The following A4GALT variants were observed in gnomAD, a reference collection of about 807,000 sequenced individuals.
A4GALT encodes lactosylceramide 4-alpha-galactosyltransferase.
For missense variants in A4GALT, 512 were observed against 486.0 expected, an observed-to-expected ratio of 1.05 and a Z score of -0.50; for synonymous variants, 257 against 220.7, an observed-to-expected ratio of 1.16 and a Z score of -1.46.
chr22:42,711,318 C>T (rs1921672591), intron 1 of A4GALT, among the ~76,000 whole-genome samples: 2 of 152,280 alleles, frequency 1.3e-5, no homozygotes, highest in South Asian at 2.1e-4. Context: ...TTTGGCAAGG[C>T]TGTGAGCAAA....
At chr22:42,717,403 C>G (rs747519911) in intron 1 of A4GALT, among the ~76,000 whole-genome samples, 15 of 152,262 alleles carry the variant, frequency 9.9e-5, no homozygotes, top group Middle Eastern at 3.4e-3. Flanking sequence ...AGGGAGGAAG[C>G]ACCAAAGACT....
At chr22:42,707,875 GTAA>G (rs1208973266) in intron 1 of A4GALT, among the ~76,000 whole-genome samples, 3 of 149,974 alleles carry the variant, frequency 2.0e-5, no homozygotes, top group African/African-American at 7.3e-5. Context: ...GCTCCTGTCT[GTAA>G]TCTCAGAGCA....
intron 1 of A4GALT, among the ~76,000 whole-genome samples, chr22:42,705,768 C>G (rs367870685): frequency 8.1e-6 from 1 of 123,752 alleles, no homozygotes; most frequent in East Asian, 2.1e-4. Context: ...TTTAATAGGC[C>G]GAGGCTGGCA....
At chr22:42,718,174 G>A (rs372258375) in intron 1 of A4GALT, 128 of 152,326 alleles carry the variant, frequency 8.4e-4, no homozygotes, top group African/African-American at 3.0e-3. Flanking sequence ...AAATGTCTGC[G>A]ATGAGGAATG....
chr22:42,702,805 A>T (rs552962179), intron 1 of A4GALT, among the ~76,000 whole-genome samples: 1 of 143,836 alleles, frequency 7.0e-6, no homozygotes, highest in South Asian at 2.1e-4. Context: ...TCACTTGCCG[A>T]GGACGCACCT....
intron 1 of A4GALT, among the ~76,000 whole-genome samples, chr22:42,696,297 G>T (rs1450585203): frequency 1.4e-4 from 21 of 151,536 alleles, no homozygotes. Context: ...GCGCATGCCT[G>T]TAATCCCAGC....
At chr22:42,718,515 T>G (rs1404959552) in intron 1 of A4GALT, 1 of 152,212 alleles carries the variant, frequency 6.6e-6, no homozygotes, top group Non-Finnish European at 1.5e-5. Context: ...TCCACCCGCC[T>G]CAGCCTCCCA....
intron 1 of A4GALT, among the ~76,000 whole-genome samples, chr22:42,698,842 G>T (rs1297413062): frequency 6.6e-6 from 1 of 152,048 alleles, no homozygotes; most frequent in Non-Finnish European, 1.5e-5. Flanking sequence ...TAGAGAAGCC[G>T]GCCAAAACCC....
At chr22:42,711,238 A>G (rs898921012) in intron 1 of A4GALT, among the ~76,000 whole-genome samples, 1 of 152,254 alleles carries the variant, frequency 6.6e-6, no homozygotes, top group African/African-American at 2.4e-5. Flanking sequence ...ATAGAAATGC[A>G]AATGGACATA....
intron 1 of A4GALT, among the ~76,000 whole-genome samples, chr22:42,714,274 CAAAAAAA>C (rs1163088658): frequency 1.8e-3 from 29 of 16,146 alleles, no homozygotes; most frequent in South Asian, 5.5e-3. Context: ...GACTCTGTCT[CAAAAAAA>C]AAAAAAAAAA....
chr22:42,702,216 G>A (rs902614119), intron 1 of A4GALT, among the ~76,000 whole-genome samples: 4 of 152,126 alleles, frequency 2.6e-5, no homozygotes, highest in Admixed American at 1.3e-4. Context: ...GGGCTGCAAT[G>A]GCAGGAGACA....
chr22:42,700,168 C>A (rs908485841), intron 1 of A4GALT, among the ~76,000 whole-genome samples: 1 of 152,162 alleles, frequency 6.6e-6, no homozygotes, highest in Non-Finnish European at 1.5e-5. Context: ...CCAGCGCAGC[C>A]CTCGTCCCCT....
chr22:42,704,252 G>C (rs1269339096), intron 1 of A4GALT, among the ~76,000 whole-genome samples: 1 of 152,188 alleles, frequency 6.6e-6, no homozygotes, highest in Non-Finnish European at 1.5e-5. Flanking sequence ...GGAGGCCAAG[G>C]TGGGCAAATC....
chr22:42,704,503 T>A (rs1274697388), intron 1 of A4GALT, among the ~76,000 whole-genome samples: 5 of 145,564 alleles, frequency 3.4e-5, no homozygotes, highest in East Asian at 2.0e-4. Flanking sequence ...ATAAAAAAAA[T>A]AATAAAAAAA....
rs1930483715 is a variant in A4GALT at position 42,692,225 on chromosome 22, C to T, written c.*665G>A. 5.3e-6 allele frequency: 1 copy of T among 189,348 alleles called. No homozygotes were observed. The highest frequency in any genetic ancestry group is 5.3e-5 in the Admixed American group (1 of 18,748). The allele number at this position is 189,348 out of a possible 1,614,324, so 11.7% of individuals were successfully genotyped here. On this transcript the variant is annotated 3_prime_UTR_variant, in exon 3 of 3. Transcript: ENST00000642412. The surrounding 1 kb of genome is among the most constrained non-coding windows in gnomAD (Gnocchi z 4.6). Reference sequence around the variant, plus strand: ...TGCTTCTCCTGAGCCTAAAGAGCCTCCCCACCCAGCCCCTGTCTGAGGGAA... The same window carrying T: ...TGCTTCTCCTGAGCCTAAAGAGCCTTCCCACCCAGCCCCTGTCTGAGGGAA...
At chr22:42,698,448 C>T (rs1280730821) in intron 1 of A4GALT, among the ~76,000 whole-genome samples, 1 of 152,198 alleles carries the variant, frequency 6.6e-6, no homozygotes, top group African/African-American at 2.4e-5. Context: ...GCACCCCCAC[C>T]TGTCCCTACA....
chr22:42,702,099 GTC>G (rs71686262), intron 1 of A4GALT, among the ~76,000 whole-genome samples: 4,081 of 150,636 alleles, frequency 0.027, 163 homozygotes, highest in African/African-American at 0.093. Flanking sequence ...CCAGGTTGGT[GTC>G]TCTCTCTCTC....
intron 1 of A4GALT, among the ~76,000 whole-genome samples, chr22:42,700,228 C>T (rs1478627807): frequency 1.3e-5 from 2 of 152,222 alleles, no homozygotes; most frequent in Admixed American, 1.3e-4. Flanking sequence ...GGGGCAGGGG[C>T]TCCTCGCTCT....
At chr22:42,715,615 G>A (rs919320766) in intron 1 of A4GALT, among the ~76,000 whole-genome samples, 1 of 152,070 alleles carries the variant, frequency 6.6e-6, no homozygotes, top group African/African-American at 2.4e-5. Context: ...TCAGGAGGCT[G>A]AGGTGGGAGG....
Sources: allele counts gnomAD v4.1 joint callset (sites outside exome capture counted in the v4.1 genomes callset), GRCh38; gene constraint gnomAD v4.1.1; non-coding constraint Gnocchi (gnomAD v3.1); transcripts MANE v1.5; gene names NCBI Gene and HGNC (gene_info 2026-07-23, HGNC 2026-07-21).